KLK11: variants seen among roughly 807,000 people sequenced by gnomAD.
KLK11 encodes the protein kallikrein related peptidase 11, also known as kallikrein-11.
A neutral mutation model predicts 23.4 loss-of-function variants in KLK11; 10 were observed. The observed-to-expected ratio is 0.43, with a 90% CI of 0.26 to 0.73. The LOEUF (loss-of-function observed/expected upper bound fraction) is 0.73. KLK11 is among the 30% of genes least tolerant of loss of function. The pLI is 0.22. For synonymous variants in KLK11, 131 were observed against 131.7 expected, an observed-to-expected ratio of 0.99 and a Z score of 0.03; for missense variants, 285 against 327.8, an observed-to-expected ratio of 0.87 and a Z score of 1.01.
Position 51,024,426 on chromosome 19 carries a change from G to T in KLK11, c.198-116C>A. 6.8e-7 allele frequency: 1 copy of T among 1,476,296 alleles called. No individual in the cohort carries two copies. The highest frequency in any genetic ancestry group is 1.3e-5 in the South Asian group (1 of 76,852). 91.4% of individuals were successfully genotyped at this position (1,476,296 alleles called of 1,614,324 possible). On this transcript the variant is annotated intron_variant, in intron 3 of 5. Coordinates refer to ENST00000453757, the MANE Select transcript of KLK11 (RefSeq NM_001136032.3). The surrounding 1 kb of genome is among the most constrained non-coding windows in gnomAD (Gnocchi z 6.2). Reference sequence around the variant, plus strand: ...TCGCTCTGCTTCCAACCTCTTCCACGTCTCCCACCGAAGCCCCCTTCCCAG... The same window carrying T: ...TCGCTCTGCTTCCAACCTCTTCCACTTCTCCCACCGAAGCCCCCTTCCCAG...
At chr19:51,027,417 C>G (rs1462988064), upstream of KLK11, 14 of 1,606,620 alleles carry the variant, frequency 8.7e-6, no homozygotes, top group African/African-American at 1.3e-5. Flanking sequence ...GCCCGCTTCT[C>G]CCTGCCGCCC....
rs1476394219 is a variant in KLK11, at chr19:51,024,820, G to A, written c.41-26C>T. On this transcript the variant is annotated intron_variant, in intron 2 of 5. Coordinates refer to ENST00000453757, the MANE Select transcript of KLK11 (RefSeq NM_001136032.3). This position sits in a 1 kb window ranked among gnomAD's most constrained non-coding sequence, Gnocchi z 6.2. ...CTGGAGGGGGTGAGAGCAAAAGAAGGGGCTCAGGAAGGAGAGGTGGTAGAC... is the reference window on the plus strand; with the variant it reads ...CTGGAGGGGGTGAGAGCAAAAGAAGAGGCTCAGGAAGGAGAGGTGGTAGAC... 3.3e-6 allele frequency: 5 copies of A among 1,535,086 alleles called. No individual in the cohort carries two copies. Among genetic ancestry groups the A allele is most frequent in the Non-Finnish European group, 3.5e-6 (4 of 1,148,832 alleles).
intron 5 of KLK11, 41 bp from the exon 6 acceptor site, chr19:51,022,738 G>A (rs973081130): frequency 3.8e-5 from 62 of 1,610,884 alleles, no homozygotes; most frequent in Middle Eastern, 2.2e-4. Flanking sequence ...AGAAAGCGTT[G>A]AGCATGGTGT....
chr19:51,022,989 C>G, intron 5 of KLK11, 103 bp downstream of exon 5: 1 of 1,299,596 alleles, frequency 7.7e-7, no homozygotes, highest in Non-Finnish European at 1.1e-6. Flanking sequence ...TTGGGAGTTG[C>G]AGGGGTCGGC....
chr19:51,023,045 T>C (rs1234130443), intron 5 of KLK11, 47 bp downstream of exon 5: 29 of 1,555,332 alleles, frequency 1.9e-5, no homozygotes, highest in Non-Finnish European at 2.4e-5. Flanking sequence ...AAAGATGTCA[T>C]TGAAGCTGGG....
At position 51,022,345 on chromosome 19, in the gene KLK11, T is replaced by A. The variant is rs1270328032; in HGVS notation, c.*200A>T. On this transcript the variant is annotated 3_prime_UTR_variant, in exon 6 of 6. Transcript: ENST00000453757. ...TGTTGTCATTCCCAGAGTCACAATA[T>A]TTCAAGGCAGAATTTGAATCCAGGT... is the stretch of plus-strand genomic sequence containing the variant. 2 of 611,442 alleles carry A rather than the reference T, an allele frequency of 3.3e-6. No homozygotes were observed. The highest frequency in any genetic ancestry group is 3.7e-5 in the African/African-American group (2 of 54,386). The allele number at this position is 611,442 out of a possible 1,614,324, so 37.9% of individuals were successfully genotyped here.
In KLK11 at chr19:51,025,528, G is replaced by T; in HGVS notation, c.40+64C>A. 1 of 1,135,612 alleles carries T rather than the reference G, an allele frequency of 8.8e-7. No homozygotes were observed. Among genetic ancestry groups the T allele is most frequent in the Non-Finnish European group, 1.2e-6 (1 of 806,576 alleles). The allele number at this position is 1,135,612 out of a possible 1,614,324, so 70.3% of individuals were successfully genotyped here. A position where few individuals can be genotyped will look rare whatever the true frequency, so the allele number is the denominator to read the frequency against. ...TCAGCCCTGTCACTGTCCAGACACAGAGGGTTAGGGGATCCCAGAGATTCA... is the reference window on the plus strand; with the variant it reads ...TCAGCCCTGTCACTGTCCAGACACATAGGGTTAGGGGATCCCAGAGATTCA... On this transcript the variant is annotated intron_variant, in intron 2 of 5. Coordinates refer to ENST00000453757, the MANE Select transcript of KLK11 (RefSeq NM_001136032.3). This position sits in a 1 kb window ranked among gnomAD's most constrained non-coding sequence, Gnocchi z 6.2.
Position 51,025,728 on chromosome 19 carries a change from G to A in KLK11, c.-35-62C>T, listed in dbSNP as rs1443411268. 11 of 671,408 alleles carry A rather than the reference G, an allele frequency of 1.6e-5. No individual in the cohort carries two copies. Among genetic ancestry groups the A allele is most frequent in the Non-Finnish European group, 2.6e-5 (10 of 389,562 alleles). 41.6% of individuals were successfully genotyped at this position (671,408 alleles called of 1,614,324 possible). A position where few individuals can be genotyped will look rare whatever the true frequency, so the allele number is the denominator to read the frequency against. On this transcript the variant is annotated intron_variant, in intron 1 of 5. Transcript: ENST00000453757. The surrounding 1 kb of genome is among the most constrained non-coding windows in gnomAD (Gnocchi z 6.2). ...ACGGGGAAATCGGGAGGGGGGGGCT[G>A]GCTCATGCCCTCTCCTCTCTCCCTC... is the stretch of plus-strand genomic sequence containing the variant.
chr19:51,024,657 C>G lies in KLK11; in HGVS notation c.178G>C (p.Ala60Pro). Reference sequence around the variant, plus strand: ...ACCCACGGCTTGAGGCAGTGGGCTGCTGTCAGGAGCCATCTGGGGGCGATG... The same window carrying G: ...ACCCACGGCTTGAGGCAGTGGGCTGGTGTCAGGAGCCATCTGGGGGCGATG... ...TLIAPRWLLT[A>P]AHCLKPRYIV... The change falls in exon 3 of 6, where the codon GCA becomes CCA. Residue 60 changes from alanine to proline, a missense_variant. By Grantham distance (27) the Ala-to-Pro change is conservative. Transcript: ENST00000453757. This position sits in a 1 kb window ranked among gnomAD's most constrained non-coding sequence, Gnocchi z 6.2. The G allele has an allele frequency of 1.3e-6, 2 of 1,584,068 alleles. No homozygotes were observed. The highest frequency in any genetic ancestry group is 1.7e-6 in the Non-Finnish European group (2 of 1,166,374).
rs2091414448 is a variant in KLK11 at position 51,022,411 on chromosome 19, C to T, written c.*134G>A. On this transcript the variant is annotated 3_prime_UTR_variant, in exon 6 of 6. Transcript: ENST00000453757. Reference sequence around the variant, plus strand: ...CCCCAGGTTGATTATTAAGTGACAGCATCTCCTGTAGTCCAGGAGGCCCAA... The same window carrying T: ...CCCCAGGTTGATTATTAAGTGACAGTATCTCCTGTAGTCCAGGAGGCCCAA... The T allele has an allele frequency of 3.1e-6, 3 of 968,564 alleles. No individual in the cohort carries two copies. Among genetic ancestry groups the T allele is most frequent in the African/African-American group, 1.6e-5 (1 of 61,618 alleles). The allele number at this position is 968,564 out of a possible 1,614,324, so 60.0% of individuals were successfully genotyped here.
chr19:51,023,241 C>T lies in KLK11; in HGVS notation c.464-13G>A, dbSNP rs763964723. 7 of 1,610,428 alleles carry T rather than the reference C, an allele frequency of 4.3e-6. No individual in the cohort carries two copies. Among genetic ancestry groups the T allele is most frequent in the Middle Eastern group, 3.9e-4 (2 of 5,076 alleles). On this transcript the variant is annotated splice_polypyrimidine_tract_variant and intron_variant, in intron 4 of 5. Transcript: ENST00000453757. Reference sequence around the variant, plus strand: ...TGAGGCAGGCGTACTGTGGAAACAGCGTGAGGGGCTGTGGGAATGAGCCCC... The same window carrying T: ...TGAGGCAGGCGTACTGTGGAAACAGTGTGAGGGGCTGTGGGAATGAGCCCC...
Position 51,024,606 on chromosome 19 carries a change from C to A in KLK11, c.197+32G>T, listed in dbSNP as rs749057298. The A allele has an allele frequency of 1.0e-5, 15 of 1,467,796 alleles. No individual in the cohort carries two copies. Among genetic ancestry groups the A allele is most frequent in the Middle Eastern group, 2.4e-4 (1 of 4,178 alleles). The allele number at this position is 1,467,796 out of a possible 1,614,324, so 90.9% of individuals were successfully genotyped here. On this transcript the variant is annotated intron_variant, in intron 3 of 5. Transcript: ENST00000453757. The surrounding 1 kb of genome is among the most constrained non-coding windows in gnomAD (Gnocchi z 6.2). Reference sequence around the variant, plus strand: ...ATCCATCTCCCCATTCCCAGCCCCCCACCCCGGCACCGCCCCAGCCCCCGC... The same window carrying A: ...ATCCATCTCCCCATTCCCAGCCCCCAACCCCGGCACCGCCCCAGCCCCCGC...
At chr19:51,023,273 C>T (rs1020667310) in intron 4 of KLK11, 45 bp from the exon 5 acceptor site, 12 of 1,595,978 alleles carry the variant, frequency 7.5e-6, no homozygotes, top group Non-Finnish European at 9.4e-6. Flanking sequence ...CCCCCTGCCA[C>T]CTCCCCTAAT....
intron 5 of KLK11, 78 bp from the exon 6 acceptor site, chr19:51,022,775 C>A: frequency 6.6e-7 from 1 of 1,524,670 alleles, no homozygotes; most frequent in Non-Finnish European, 9.0e-7. Flanking sequence ...GGGGACGGTG[C>A]TTAGGAGTGG....
In KLK11 at chr19:51,024,344, A is replaced by G. The variant is rs1195727601; in HGVS notation, c.198-34T>C. 6.2e-7 allele frequency: 1 copy of G among 1,602,170 alleles called. No homozygotes were observed. The highest frequency in any genetic ancestry group is 1.7e-5 in the Admixed American group (1 of 59,890). The stretch of plus-strand genomic sequence containing the variant: ...GGAGAGACAGTAGTTGGAGGAGGAA[A>G]GGTCGGGGGAGACATGGGTGGGAGA... On this transcript the variant is annotated intron_variant, in intron 3 of 5. Coordinates refer to ENST00000453757, the MANE Select transcript of KLK11 (RefSeq NM_001136032.3). This position sits in a 1 kb window ranked among gnomAD's most constrained non-coding sequence, Gnocchi z 6.2.
At position 51,024,478 on chromosome 19, in the gene KLK11, T is replaced by TC; in HGVS notation, c.197+159dup. ...CATAGCCCCATCCCAACCCCATTCA[T>TC]CCCCCCACCTTCAATACCAACTCGA... On this transcript the variant is annotated intron_variant, in intron 3 of 5. Coordinates refer to ENST00000453757, the MANE Select transcript of KLK11 (RefSeq NM_001136032.3). The surrounding 1 kb of genome is among the most constrained non-coding windows in gnomAD (Gnocchi z 6.2). 1 of 1,144,948 alleles carries TC rather than the reference T, an allele frequency of 8.7e-7. No individual in the cohort carries two copies. The highest frequency in any genetic ancestry group is 1.2e-6 in the Non-Finnish European group (1 of 840,106). 70.9% of individuals were successfully genotyped at this position (1,144,948 alleles called of 1,614,324 possible). A position where few individuals can be genotyped will look rare whatever the true frequency, so the allele number is the denominator to read the frequency against.
In KLK11 at chr19:51,024,219, C is replaced by G. The variant is rs191149606; in HGVS notation, c.289G>C (p.Gly97Arg). Residue 97 changes from glycine to arginine, a missense_variant, in exon 4 of 6, where the codon GGC becomes CGC. Transcript: ENST00000453757. This position sits in a 1 kb window ranked among gnomAD's most constrained non-coding sequence, Gnocchi z 6.2. ...RTATESFPHP[G>R]FNNSLPNKDH... is the part of the protein sequence containing the mutation. Reference sequence around the variant, plus strand: ...TTGTTGGGGAGGCTGTTGTTGAAGCCGGGGTGGGGGAAGGACTCAGTGGCT... The same window carrying G: ...TTGTTGGGGAGGCTGTTGTTGAAGCGGGGGTGGGGGAAGGACTCAGTGGCT... 1 of 1,614,026 alleles carries G rather than the reference C, an allele frequency of 6.2e-7. No individual in the cohort carries two copies. Among genetic ancestry groups the G allele is most frequent in the East Asian group, 2.2e-5 (1 of 44,874 alleles).
upstream of KLK11, chr19:51,027,422 C>A: frequency 6.2e-7 from 1 of 1,609,062 alleles, no homozygotes; most frequent in Non-Finnish European, 8.5e-7. Context: ...CTTCTCCCTG[C>A]CGCCCAGGCA....
rs148855454 is a variant in KLK11, at chr19:51,023,203, G to T, written c.489C>A (p.Cys163Ter). 1.6e-5 allele frequency: 26 copies of T among 1,613,282 alleles called. No individual in the cohort carries two copies. Among genetic ancestry groups the T allele is most frequent in the Non-Finnish European group, 2.1e-5 (25 of 1,179,778 alleles). The change falls in exon 5 of 6, where the codon TGC becomes TGA. Residue 163 changes from cysteine (C) to a stop codon, truncating the protein, a stop_gained. Transcript: ENST00000453757. LOFTEE classifies it high-confidence loss of function. The part of the protein sequence containing the change: ...PQLRLPHTLR[C>*]ANITIIEHQK... Reference sequence around the variant, plus strand: ...GGTGCTCAATGATGGTGATGTTGGCGCATCGCAAGGTGTGAGGCAGGCGTA... The same window carrying T: ...GGTGCTCAATGATGGTGATGTTGGCTCATCGCAAGGTGTGAGGCAGGCGTA...
Sources: gnomAD v4.1 joint callset for allele counts on GRCh38, gnomAD v4.1.1 for gene constraint, Gnocchi (gnomAD v3.1) non-coding constraint, MANE v1.5 for transcripts, NCBI Gene and HGNC (gene_info 2026-07-23, HGNC 2026-07-21) for gene names.